GLI1: variants seen among roughly 807,000 people sequenced by gnomAD.
GLI1 encodes GLI family zinc finger 1, also known as transcription activator GLI1.
A neutral mutation model predicts 87.8 loss-of-function variants in GLI1; 51 were observed. The ratio of observed to expected loss-of-function variants is 0.58; its 90% CI spans 0.46 to 0.73. The LOEUF is 0.73. Among genes scored for constraint, GLI1 ranks in the 30% least tolerant of loss-of-function variants. The probability of loss-of-function intolerance (pLI) is 0.00; values close to 1 mark genes in which losing one functional copy is unlikely to be tolerated. For synonymous variants in GLI1, 528 were observed against 558.2 expected (o/e 0.95, Z 0.76); for missense variants, 1,292 against 1,437.2 (o/e 0.90, Z 1.63).
Position 57,470,613 on chromosome 12 carries a change from G to C in GLI1, c.1873G>C (p.Glu625Gln). The C allele has an allele frequency of 6.2e-7, 1 of 1,614,066 alleles. No homozygotes were observed. The highest frequency in any genetic ancestry group is 8.5e-7 in the Non-Finnish European group (1 of 1,180,018). The change falls in exon 12 of 12, where the codon GAG becomes CAG. Residue 625 changes from glutamate (E) to glutamine (Q), a missense_variant. Glu to Gln is a conservative substitution (Grantham distance 29). Coordinates refer to ENST00000228682, the MANE Select transcript of GLI1 (RefSeq NM_005269.3). Reference protein sequence around the residue: ...LPMPPWRSRAEYPGYNPNAGV... With the variant: ...LPMPPWRSRAQYPGYNPNAGV... ...CATGCCTCCTTGGAGAAGCCGAGCCGAGTATCCAGGATACAACCCCAATGC... is the reference window on the plus strand; with the variant it reads ...CATGCCTCCTTGGAGAAGCCGAGCCCAGTATCCAGGATACAACCCCAATGC...
intron 5 of GLI1, 175 bp downstream of exon 5, chr12:57,465,430 G>T: frequency 1.4e-6 from 1 of 736,324 alleles, no homozygotes; most frequent in Non-Finnish European, 2.2e-6. Flanking sequence ...CTTCCAAATG[G>T]GATCCCACCT....
At chr12:57,465,004 C>T in intron 4 of GLI1, 107 bp from the exon 5 acceptor site, 2 of 1,277,104 alleles carry the variant, frequency 1.6e-6, no homozygotes. Flanking sequence ...TTCCCTGGGA[C>T]TGCCTCAACC....
Position 57,465,151 on chromosome 12 carries a change from G to T in GLI1, c.430G>T (p.Gly144Trp), listed in dbSNP as rs1233812896. The T allele has an allele frequency of 1.9e-6, 3 of 1,614,004 alleles. No homozygotes were observed. In the African/African-American group the frequency reaches 4.0e-5, roughly 22 times the overall value. Residue 144 changes from glycine (G) to tryptophan (W), a missense_variant, in exon 5 of 12, where the codon GGG becomes TGG. Around this residue, in one of 3 missense-constraint regions of GLI1, gnomAD observed 383 missense variants for 368.4 expected, o/e 1.04. Coordinates refer to ENST00000228682, the MANE Select transcript of GLI1 (RefSeq NM_005269.3). ...CCCAGCCCAGATGAATCACCAAAAAGGGCCCTCGCCTTCCTTTGGGGTCCA... is the reference window on the plus strand; with the variant it reads ...CCCAGCCCAGATGAATCACCAAAAATGGCCCTCGCCTTCCTTTGGGGTCCA... Reference protein sequence around the residue: ...GFPAQMNHQKGPSPSFGVQPC... With the variant: ...GFPAQMNHQKWPSPSFGVQPC...
chr12:57,471,281 C>A lies in GLI1; in HGVS notation c.2541C>A (p.Leu847=). 6.3e-7 allele frequency: 1 copy of A among 1,592,904 alleles called. No individual in the cohort carries two copies. The highest frequency in any genetic ancestry group is 8.5e-7 in the Non-Finnish European group (1 of 1,169,686). Residue 847 remains leucine, a synonymous_variant, in exon 12 of 12, where the codon CTC becomes CTA. Transcript: ENST00000228682. This position sits in a 1 kb window ranked among gnomAD's most constrained non-coding sequence, Gnocchi z 4.9. ...AGGGGCCCCCACATCCACAGCCTCT[C>A]TTTTCCCATTACCCCCAGCCCTCTC... ...PSEGPPHPQP[L]FSHYPQPSPP...
intron 11 of GLI1, 27 bp downstream of exon 11, chr12:57,469,725 C>T: frequency 6.2e-7 from 1 of 1,607,678 alleles, no homozygotes; most frequent in Non-Finnish European, 8.5e-7. Context: ...GGAGGTGTGG[C>T]TGGGGTGAGA....
At chr12:57,469,122 G>C (rs1214732137) in intron 10 of GLI1, among the ~76,000 whole-genome samples, 1 of 152,060 alleles carries the variant, frequency 6.6e-6, no homozygotes, top group Non-Finnish European at 1.5e-5. Context: ...ACTCCTCACA[G>C]CAACTTCATG....
chr12:57,470,497 A>G lies in GLI1; in HGVS notation c.1757A>G (p.His586Arg). The G allele has an allele frequency of 1.2e-6, 2 of 1,614,000 alleles. No homozygotes were observed. Among genetic ancestry groups the G allele is most frequent in the Non-Finnish European group, 8.5e-7 (1 of 1,179,926 alleles). The change falls in exon 12 of 12, where the codon CAC becomes CGC. Residue 586 changes from histidine to arginine, a missense_variant. Physicochemically the swap from His to Arg is conservative, Grantham distance 29. This residue lies in a region of GLI1 where 897 missense variants were observed against 1,040.7 expected (regional missense o/e 0.86). Transcript: ENST00000228682. Reference protein sequence around the residue: ...SSLPGLMPAQHYLLRARYASA... With the variant: ...SSLPGLMPAQRYLLRARYASA... ...CTGCCTGGCCTTATGCCTGCCCAGC[A>G]CTACCTGCTTCGGGCAAGATATGCT...
At chr12:57,467,092 T>C (rs1343153599) in intron 8 of GLI1, among the ~76,000 whole-genome samples, 48 of 152,140 alleles carry the variant, frequency 3.2e-4, no homozygotes, top group Non-Finnish European at 1.5e-5. Flanking sequence ...AAATCTGCCC[T>C]GGCTTGGTCA....
chr12:57,464,025 C>G lies in GLI1; in HGVS notation c.127C>G (p.Gln43Glu), dbSNP rs1236664410. 1 of 1,613,826 alleles carries G rather than the reference C, an allele frequency of 6.2e-7. No individual in the cohort carries two copies. Among genetic ancestry groups the G allele is most frequent in the South Asian group, 1.1e-5 (1 of 91,080 alleles). Residue 43 changes from glutamine to glutamate, a missense_variant, in exon 3 of 12, where the codon CAA becomes GAA. By Grantham distance (29) the Gln-to-Glu change is conservative (BLOSUM62 2). Coordinates refer to ENST00000228682, the MANE Select transcript of GLI1 (RefSeq NM_005269.3). ...ACTGTCTGGCCCGCCCTTCTGCCAC[C>G]AAGCTAACCTCATGTCCGGCCCCCA... ...EGLSGPPFCH[Q>E]ANLMSGPHSY...
rs776271855 is a variant in GLI1, at chr12:57,469,711, T to G, written c.1576+13T>G. On this transcript the variant is annotated intron_variant, in intron 11 of 11. Transcript: ENST00000228682. ...TTGTCCCACACCGGTGAGACCTGGG[T>G]GTGGGAGGTGTGGCTGGGGTGAGAT... 1 of 1,610,432 alleles carries G rather than the reference T, an allele frequency of 6.2e-7. No homozygotes were observed. Among genetic ancestry groups the G allele is most frequent in the South Asian group, 1.1e-5 (1 of 91,002 alleles).
Position 57,471,260 on chromosome 12 carries a change from GC to G in GLI1, c.2525del (p.Pro842HisfsTer104). 1.2e-6 allele frequency: 2 copies of G among 1,600,206 alleles called. No homozygotes were observed. The highest frequency in any genetic ancestry group is 1.7e-5 in the Admixed American group (1 of 57,822). ...PCLNAHPSEG[P>X]PHPQPLFSHY... ...GCCTCAATGCCCACCCCAGTGAGGG[GC>G]CCCCACATCCACAGCCTCTCTTTTC... On this transcript the variant is annotated frameshift_variant, in exon 12 of 12. Transcript: ENST00000228682. LOFTEE classifies it high-confidence loss of function. This position sits in a 1 kb window ranked among gnomAD's most constrained non-coding sequence, Gnocchi z 4.9.
intron 10 of GLI1, among the ~76,000 whole-genome samples, 165 bp downstream of exon 10, chr12:57,468,389 G>C (rs1449842434): frequency 6.6e-6 from 1 of 152,142 alleles, no homozygotes; most frequent in Non-Finnish European, 1.5e-5. Flanking sequence ...CCCAAATCTA[G>C]AGGTTTTAGA....
chr12:57,463,986 CTCT>C lies in GLI1; in HGVS notation c.101-11_101-9del. The C allele has an allele frequency of 6.3e-7, 1 of 1,598,790 alleles. No individual in the cohort carries two copies. On this transcript the variant is annotated splice_polypyrimidine_tract_variant and intron_variant, in intron 2 of 11. Transcript: ENST00000228682. ...TATCCTCCATTCCCATTCCAGCTGT[CTCT>C]TTTTTCTAGGACTGTCTGGCCCGCC...
At chr12:57,463,637 C>T (rs1871289633) in intron 1 of GLI1, 28 bp from the exon 2 acceptor site, 1 of 1,069,660 alleles carries the variant, frequency 9.3e-7, no homozygotes, top group Non-Finnish European at 1.5e-6. Flanking sequence ...ATTTCCTCCA[C>T]CTTTATACCT....
At chr12:57,463,861 C>A in intron 2 of GLI1, 70 bp downstream of exon 2, 1 of 1,091,470 alleles carries the variant, frequency 9.2e-7, no homozygotes, top group South Asian at 1.3e-5. Flanking sequence ...ACCCCCACCC[C>A]ATGCCAGTTT....
At position 57,469,517 on chromosome 12, in the gene GLI1, G is replaced by A. The variant is rs753749360; in HGVS notation, c.1395G>A (p.Val465=). 4 of 1,614,200 alleles carry A rather than the reference G, an allele frequency of 2.5e-6. No homozygotes were observed. Among genetic ancestry groups the A allele is most frequent in the Admixed American group, 3.3e-5 (2 of 60,026 alleles). The part of the protein sequence containing the change: ...AGSAANTDSG[V]EMTGNAGGST... Reference sequence around the variant, plus strand: ...GTGCAGCCAATACAGACAGTGGTGTGGAAATGACTGGCAATGCAGGGGGCA... The same window carrying A: ...GTGCAGCCAATACAGACAGTGGTGTAGAAATGACTGGCAATGCAGGGGGCA... Residue 465 remains valine (V), a synonymous_variant, in exon 11 of 12, where the codon GTG becomes GTA. Transcript: ENST00000228682.
rs1322682499 is a variant in GLI1, at chr12:57,470,314, C to A, written c.1577-3C>A. Reference sequence around the variant, plus strand: ...TCCTACCTTTTCTCCCCATCACTTGCAGGTACCACTGTGTCCCGCCGCGTG... The same window carrying A: ...TCCTACCTTTTCTCCCCATCACTTGAAGGTACCACTGTGTCCCGCCGCGTG... On this transcript the variant is annotated splice_region_variant and splice_polypyrimidine_tract_variant and intron_variant, in intron 11 of 11. Coordinates refer to ENST00000228682, the MANE Select transcript of GLI1 (RefSeq NM_005269.3). 1.3e-6 allele frequency: 2 copies of A among 1,538,024 alleles called. No individual in the cohort carries two copies. The highest frequency in any genetic ancestry group is 1.8e-6 in the Non-Finnish European group (2 of 1,141,928).
chr12:57,467,551 G>C, intron 9 of GLI1, 54 bp downstream of exon 9: 1 of 1,429,264 alleles, frequency 7.0e-7, no homozygotes, highest in Non-Finnish European at 9.6e-7. Context: ...CTACCAGGGA[G>C]ATTCCCCCAT....
chr12:57,471,129 G>A lies in GLI1; in HGVS notation c.2389G>A (p.Gly797Ser), dbSNP rs748704866. ...SGLYPGPKAL[G>S]GTYSQCPRLE... Reference sequence around the variant, plus strand: ...GCTGTACCCAGGCCCCAAGGCTCTAGGTGGAACCTACAGCCAGTGTCCTCG... The same window carrying A: ...GCTGTACCCAGGCCCCAAGGCTCTAAGTGGAACCTACAGCCAGTGTCCTCG... Residue 797 changes from glycine to serine, a missense_variant, in exon 12 of 12, where the codon GGT becomes AGT. Physicochemically the swap from Gly to Ser is moderately conservative, Grantham distance 56. Coordinates refer to ENST00000228682, the MANE Select transcript of GLI1 (RefSeq NM_005269.3). The surrounding 1 kb of genome is among the most constrained non-coding windows in gnomAD (Gnocchi z 4.9). 1.4e-5 allele frequency: 22 copies of A among 1,613,152 alleles called. No individual in the cohort carries two copies. Among genetic ancestry groups the A allele is most frequent in the Middle Eastern group, 1.6e-4 (1 of 6,078 alleles).
Sources: gnomAD v4.1 joint callset for allele counts (sites outside exome capture counted in the v4.1 genomes callset) on GRCh38, gnomAD v4.1.1 for gene constraint, gnomAD v4.1.1 regional missense constraint, Gnocchi (gnomAD v3.1) non-coding constraint, MANE v1.5 for transcripts, NCBI Gene and HGNC (gene_info 2026-07-23, HGNC 2026-07-21) for gene names.